VPS53: variants seen among roughly 807,000 people sequenced by gnomAD.
VPS53 encodes the protein VPS53 subunit of GARP complex, also known as vacuolar protein sorting-associated protein 53 homolog.
In VPS53, 70 loss-of-function variants were observed where a neutral mutation model predicts 107.0. That is an observed-to-expected ratio of 0.65 (90% confidence interval 0.54 to 0.80). VPS53 has a LOEUF of 0.80. VPS53 is among the 30% of genes least tolerant of loss of function. The probability of loss-of-function intolerance (pLI) is 0.00; values close to 1 mark genes in which losing one functional copy is unlikely to be tolerated. For synonymous variants in VPS53, 409 were observed against 393.3 expected (o/e 1.04, Z -0.47); for missense variants, 917 against 1,049.4 (o/e 0.87, Z 1.74).
At chr17:563,287 C>CTTTTT (rs36076034) in intron 13 of VPS53, among the ~76,000 whole-genome samples, 22 of 103,312 alleles carry the variant, frequency 2.1e-4, no homozygotes, top group African/African-American at 2.4e-4. Flanking sequence ...ACTTCATTTC[C>CTTTTT]TTTTTTTTTT....
At chr17:709,299 T>G (rs1973547607) in intron 2 of VPS53, among the ~76,000 whole-genome samples, 1 of 152,110 alleles carries the variant, frequency 6.6e-6, no homozygotes, top group South Asian at 2.1e-4. Context: ...TTGGTTTATT[T>G]CTTGTCTTTC....
intron 7 of VPS53, among the ~76,000 whole-genome samples, chr17:639,456 G>T (rs1177432354): frequency 1.3e-5 from 2 of 152,190 alleles, no homozygotes. Context: ...TCCATTGCTG[G>T]CGAGGTGCTT....
chr17:663,644 G>A (rs1226249880), intron 4 of VPS53, among the ~76,000 whole-genome samples: 2 of 152,246 alleles, frequency 1.3e-5, no homozygotes, highest in African/African-American at 4.8e-5. Flanking sequence ...GGCCACGGAT[G>A]TGTATAGACC....
At chr17:572,080 T>C (rs1188793462) in intron 13 of VPS53, among the ~76,000 whole-genome samples, 5 of 122,944 alleles carry the variant, frequency 4.1e-5, no homozygotes, top group Non-Finnish European at 6.7e-5. Flanking sequence ...CCGGCCCCCA[T>C]CCCATCTAGG....
chr17:596,641 T>C (rs1181128105), intron 12 of VPS53, among the ~76,000 whole-genome samples: 1 of 152,224 alleles, frequency 6.6e-6, no homozygotes, highest in African/African-American at 2.4e-5. Context: ...GTTTCCTTTT[T>C]TCTTACTTTT....
At chr17:623,032 G>A (rs1969538225) in intron 11 of VPS53, among the ~76,000 whole-genome samples, 1 of 152,028 alleles carries the variant, frequency 6.6e-6, no homozygotes, top group African/African-American at 2.4e-5. Context: ...CCTGGTCTTT[G>A]ACTACACAGA....
chr17:685,094 G>C (rs1227910004), intron 4 of VPS53: 1 of 152,164 alleles, frequency 6.6e-6, no homozygotes, highest in African/African-American at 2.4e-5. Context: ...GATGCAATGA[G>C]AGACAGAGAA....
intron 12 of VPS53, among the ~76,000 whole-genome samples, chr17:589,097 T>C (rs567780745): frequency 6.6e-6 from 1 of 151,922 alleles, no homozygotes; most frequent in African/African-American, 2.4e-5. Context: ...TATTTAATTT[T>C]TTTCTTCTTT....
At chr17:604,463 C>T (rs757958243) in intron 11 of VPS53, among the ~76,000 whole-genome samples, 2 of 152,164 alleles carry the variant, frequency 1.3e-5, no homozygotes, top group Admixed American at 6.5e-5. Context: ...TCGAACCTAA[C>T]GGGCAGCCCT....
intron 5 of VPS53, among the ~76,000 whole-genome samples, 172 bp downstream of exon 5, chr17:661,637 A>G (rs1294808966): frequency 1.3e-5 from 2 of 152,188 alleles, no homozygotes; most frequent in Non-Finnish European, 2.9e-5. Flanking sequence ...ACTGACCAGC[A>G]GCTCCCCTTG....
intron 12 of VPS53, among the ~76,000 whole-genome samples, chr17:591,744 T>G (rs905071262): frequency 2.0e-5 from 3 of 152,210 alleles, no homozygotes; most frequent in African/African-American, 7.2e-5. Flanking sequence ...GTCTGAGAGA[T>G]AGTTTGTTAT....
intron 18 of VPS53, 94 bp from the exon 19 acceptor site, chr17:533,005 C>G: frequency 6.6e-7 from 1 of 1,507,588 alleles, no homozygotes; most frequent in Middle Eastern, 1.8e-4. Flanking sequence ...CATGAAAAAA[C>G]CTTTTTTAAT....
In VPS53 at chr17:524,135, C is replaced by CT. The variant is rs1908950775; in HGVS notation, c.2086-2398dup. Among the ~76,000 whole-genome samples the CT allele has an allele frequency of 6.6e-6, 1 of 151,986 alleles. No homozygotes were observed. Among genetic ancestry groups the CT allele is most frequent in the South Asian group, 2.1e-4 (1 of 4,822 alleles). On this transcript the variant is annotated intron_variant, in intron 19 of 21. Coordinates refer to ENST00000437048, the MANE Select transcript of VPS53 (RefSeq NM_001128159.3). The surrounding 1 kb of genome is among the most constrained non-coding windows in gnomAD (Gnocchi z 4.5). ...CCAACATGGAGAAACCCCATCTCTA[C>CT]TAAAAATACAAAAATTAGCCGGGTG...
intron 4 of VPS53, among the ~76,000 whole-genome samples, chr17:664,139 C>T (rs1262591757): frequency 6.6e-6 from 1 of 151,984 alleles, no homozygotes; most frequent in African/African-American, 2.4e-5. Flanking sequence ...AGTTAAGTGG[C>T]GTGATCTCAG....
intron 4 of VPS53, among the ~76,000 whole-genome samples, chr17:670,415 C>T (rs1597466237): frequency 6.6e-6 from 1 of 152,238 alleles, no homozygotes; most frequent in Non-Finnish European, 1.5e-5. Context: ...ATGGTAACCA[C>T]TACTCTGAAT....
chr17:563,177 C>A (rs569900802), intron 13 of VPS53, among the ~76,000 whole-genome samples: 3 of 152,196 alleles, frequency 2.0e-5, no homozygotes, highest in Non-Finnish European at 4.4e-5. Context: ...GTACTGTTTA[C>A]CCCTCCAAAA....
At chr17:712,011 T>C (rs1303227733) in intron 1 of VPS53, among the ~76,000 whole-genome samples, 4 of 151,760 alleles carry the variant, frequency 2.6e-5, no homozygotes, top group African/African-American at 9.7e-5. Flanking sequence ...AGAGAAGGGG[T>C]TTCACCGTGT....
chr17:630,122 C>T (rs1001190059), intron 8 of VPS53, among the ~76,000 whole-genome samples: 5 of 151,930 alleles, frequency 3.3e-5, no homozygotes, highest in Non-Finnish European at 2.9e-5. Flanking sequence ...GGAGAAACCC[C>T]GTCTCTACTA....
intron 18 of VPS53, among the ~76,000 whole-genome samples, chr17:533,192 CTG>C (rs949685092): frequency 3.3e-5 from 5 of 152,196 alleles, no homozygotes; most frequent in African/African-American, 1.2e-4. Flanking sequence ...CCTTTGGTGA[CTG>C]TTGTTTGTCC....
Sources: gnomAD v4.1 joint callset for allele counts (sites outside exome capture counted in the v4.1 genomes callset) on GRCh38, gnomAD v4.1.1 for gene constraint, Gnocchi (gnomAD v3.1) non-coding constraint, MANE v1.5 for transcripts, NCBI Gene and HGNC (gene_info 2026-07-23, HGNC 2026-07-21) for gene names.